The following TTC28 variants were observed in gnomAD, a reference collection of about 807,000 sequenced individuals.
TTC28 encodes the protein tetratricopeptide repeat protein 28.
Under a neutral mutation model 198.0 loss-of-function variants are expected in TTC28, and 61 were observed. The observed-to-expected ratio is 0.31, with a 90% CI of 0.25 to 0.38. The LOEUF (loss-of-function observed/expected upper bound fraction) is 0.38. TTC28 is among the 10% of genes least tolerant of loss of function. TTC28 has a pLI of 1.00. For synonymous variants in TTC28, 1,171 were observed against 1,297.8 expected (o/e 0.90, Z 2.10); for missense variants, 2,678 against 3,164.0 (o/e 0.85, Z 3.69).
intron 15 of TTC28, 29 bp downstream of exon 15, chr22:28,001,345 C>T (rs1011035180): frequency 9.8e-6 from 15 of 1,528,216 alleles, no homozygotes; most frequent in Admixed American, 5.9e-5. Context: ...AACAAGCCCC[C>T]GGCCCCCCAC....
intron 2 of TTC28, 142 bp downstream of exon 2, chr22:28,629,410 A>G (rs1464644016): frequency 4.9e-6 from 4 of 813,632 alleles, no homozygotes; most frequent in Non-Finnish European, 7.4e-6. Context: ...GTACCAGCTC[A>G]AGGAAGTCAT....
intron 2 of TTC28, among the ~76,000 whole-genome samples, chr22:28,561,796 T>C (rs904038278): frequency 6.6e-6 from 1 of 152,212 alleles, no homozygotes; most frequent in Non-Finnish European, 1.5e-5. Context: ...TCGTCTTAAA[T>C]AGTACTTCAG....
chr22:28,266,404 A>G (rs1282292461), intron 5 of TTC28, among the ~76,000 whole-genome samples: 2 of 152,158 alleles, frequency 1.3e-5, no homozygotes, highest in Non-Finnish European at 2.9e-5. Context: ...TAATTAAGCC[A>G]CCACACTGAG....
chr22:28,082,023 T>C (rs564060309), intron 12 of TTC28, among the ~76,000 whole-genome samples: 47 of 152,328 alleles, frequency 3.1e-4, no homozygotes, highest in African/African-American at 1.1e-3. Context: ...CTTTGGTAAG[T>C]GGGATTGTTT....
At chr22:27,999,470 C>A in intron 15 of TTC28, 4 of 728,156 alleles carry the variant, frequency 5.5e-6, no homozygotes, top group Non-Finnish European at 8.7e-6. Flanking sequence ...GTGATGAGCC[C>A]TTGGAAACCA....
chr22:28,404,995 G>A (rs1260700557), intron 2 of TTC28, among the ~76,000 whole-genome samples: 3 of 152,076 alleles, frequency 2.0e-5, no homozygotes, highest in Non-Finnish European at 4.4e-5. Context: ...GTGTGTTGTT[G>A]AGACAAGAGA....
At chr22:28,521,319 A>C (rs1321249254) in intron 2 of TTC28, among the ~76,000 whole-genome samples, 3 of 152,094 alleles carry the variant, frequency 2.0e-5, no homozygotes, top group African/African-American at 7.2e-5. Context: ...AGGCGAGAGA[A>C]TCACTTAAGC....
chr22:28,644,138 G>T (rs1001222642), intron 1 of TTC28, among the ~76,000 whole-genome samples: 3 of 151,952 alleles, frequency 2.0e-5, no homozygotes, highest in South Asian at 2.1e-4. Context: ...GGTGGCTCAC[G>T]CCTGTAATCC....
At chr22:28,237,502 A>C (rs1601516737) in intron 5 of TTC28, among the ~76,000 whole-genome samples, 1 of 152,208 alleles carries the variant, frequency 6.6e-6, no homozygotes, top group Non-Finnish European at 1.5e-5. Flanking sequence ...ATAATGTAAG[A>C]ATCTTACAAC....
chr22:28,461,468 A>C (rs1319202972), intron 2 of TTC28, among the ~76,000 whole-genome samples: 2 of 150,914 alleles, frequency 1.3e-5, no homozygotes, highest in Non-Finnish European at 2.9e-5. Flanking sequence ...ACGAAGTCTC[A>C]CTCTGCCGCC....
At chr22:28,269,716 C>T (rs1182777079) in intron 5 of TTC28, among the ~76,000 whole-genome samples, 1 of 152,154 alleles carries the variant, frequency 6.6e-6, no homozygotes. Context: ...AAGAAAGACA[C>T]TTATGAAACA....
chr22:28,380,193 G>A (rs561877613), intron 2 of TTC28, among the ~76,000 whole-genome samples: 77 of 152,000 alleles, frequency 5.1e-4, no homozygotes, highest in Non-Finnish European at 8.4e-4. Flanking sequence ...TAGCACTTCC[G>A]ACAAGAGCTG....
intron 2 of TTC28, among the ~76,000 whole-genome samples, chr22:28,509,219 C>T (rs2048655080): frequency 6.6e-6 from 1 of 151,872 alleles, no homozygotes; most frequent in Non-Finnish European, 1.5e-5. Context: ...TACTCTCTAC[C>T]CAGAAACAAC....
chr22:28,033,963 A>G (rs1939231818), intron 12 of TTC28, among the ~76,000 whole-genome samples: 1 of 152,234 alleles, frequency 6.6e-6, no homozygotes, highest in African/African-American at 2.4e-5. Flanking sequence ...TAGTACATGT[A>G]TGTATATAGA....
intron 2 of TTC28, among the ~76,000 whole-genome samples, chr22:28,382,807 C>T (rs1314531322): frequency 6.6e-6 from 1 of 152,162 alleles, no homozygotes; most frequent in African/African-American, 2.4e-5. Flanking sequence ...GCAAATTCAA[C>T]AGAAAGACAT....
chr22:28,446,528 T>C (rs891563662), intron 2 of TTC28, among the ~76,000 whole-genome samples: 10 of 152,090 alleles, frequency 6.6e-5, no homozygotes, highest in Non-Finnish European at 1.3e-4. Flanking sequence ...GGAGTTCACT[T>C]GAGAGCTGGT....
intron 6 of TTC28, among the ~76,000 whole-genome samples, chr22:28,141,459 G>C (rs2146989157): frequency 6.6e-6 from 1 of 152,156 alleles, no homozygotes; most frequent in Middle Eastern, 3.4e-3. Flanking sequence ...TAAAATGCAT[G>C]CATTTTTCAT....
intron 5 of TTC28, among the ~76,000 whole-genome samples, chr22:28,250,704 A>G (rs185679406): frequency 5.3e-5 from 8 of 152,364 alleles, no homozygotes; most frequent in African/African-American, 1.9e-4. Context: ...AAGTCTGTAC[A>G]TATTTAGTAT....
chr22:27,996,482 G>A, intron 16 of TTC28: 1 of 591,852 alleles, frequency 1.7e-6, no homozygotes, highest in Non-Finnish European at 2.8e-6. Context: ...CAGCTGTTCA[G>A]GTTAGTGGGG....
Sources: allele counts gnomAD v4.1 joint callset (sites outside exome capture counted in the v4.1 genomes callset), GRCh38; gene constraint gnomAD v4.1.1; transcripts MANE v1.5; gene names NCBI Gene and HGNC (gene_info 2026-07-23, HGNC 2026-07-21).